The following TAF2 variants were observed in gnomAD, a reference collection of about 807,000 sequenced individuals.
The protein encoded by TAF2 is transcription initiation factor TFIID subunit 2.
In TAF2, 61 loss-of-function variants were observed where a neutral mutation model predicts 138.5. The ratio of observed to expected loss-of-function variants is 0.44; its 90% confidence interval spans 0.36 to 0.54. The LOEUF is 0.54. Among genes scored for constraint, TAF2 ranks in the 20% least tolerant of loss-of-function variants. The probability of loss-of-function intolerance (pLI) is 0.00; values close to 1 mark genes in which losing one functional copy is unlikely to be tolerated. For synonymous variants in TAF2, 475 were observed against 469.9 expected (o/e 1.01, Z -0.14); for missense variants, 1,090 against 1,427.9 (o/e 0.76, Z 3.81).
At chr8:119,778,192 T>C (rs1168383974) in intron 17 of TAF2, 63 bp from the exon 18 acceptor site, 11 of 981,246 alleles carry the variant, frequency 1.1e-5, no homozygotes, top group East Asian at 2.5e-5. Context: ...CTACAATTCA[T>C]TGAACTATAA....
Position 119,755,901 on chromosome 8 carries a change from T to A in TAF2, c.2878+105A>T, listed in dbSNP as rs1586331980. 11 of 897,764 alleles carry A rather than the reference T, an allele frequency of 1.2e-5. No individual in the cohort carries two copies. The South Asian group carries it at 1.4e-4, about 11-fold the overall frequency. 55.6% of individuals were successfully genotyped at this position (897,764 alleles called of 1,614,324 possible). ...AGTCTACTTAAAAGAAAAAAAAAAA[T>A]CTCAACTTTTACCTTTAGTTCTAAA... On this transcript the variant is annotated intron_variant, in intron 22 of 25. Transcript: ENST00000378164.
At chr8:119,797,388 T>C (rs531805141) in intron 7 of TAF2, among the ~76,000 whole-genome samples, 47 of 152,228 alleles carry the variant, frequency 3.1e-4, no homozygotes, top group Admixed American at 5.9e-4. Flanking sequence ...ATTTGTACAA[T>C]TTTTAAAGAA....
intron 18 of TAF2, among the ~76,000 whole-genome samples, chr8:119,773,395 C>T (rs954033051): frequency 2.0e-5 from 3 of 151,522 alleles, no homozygotes; most frequent in Non-Finnish European, 4.4e-5. Flanking sequence ...TTCTTCAAGG[C>T]TACAATTATT....
intron 15 of TAF2, 141 bp from the exon 16 acceptor site, chr8:119,783,774 A>ATT: frequency 9.7e-7 from 1 of 1,035,900 alleles, no homozygotes. Flanking sequence ...TACTGTATTC[A>ATT]TTTTTTTAAA....
Position 119,783,557 on chromosome 8 carries a change from C to T in TAF2, c.1936G>A (p.Asp646Asn). 6.2e-7 allele frequency: 1 copy of T among 1,614,190 alleles called. No homozygotes were observed. Among genetic ancestry groups the T allele is most frequent in the Non-Finnish European group, 8.5e-7 (1 of 1,180,032 alleles). The stretch of plus-strand genomic sequence containing the variant: ...CGGAGCTGATACTGCCACATAAAAT[C>T]AGCTTGCTCAAATTCTACCTTCCTC... Reference protein sequence around the residue: ...VLRKVEFEQADFMWQYQLRYE... With the variant: ...VLRKVEFEQANFMWQYQLRYE... The change falls in exon 16 of 26, where the codon GAT becomes AAT. Residue 646 changes from aspartate (D) to asparagine (N), a missense_variant. Physicochemically the swap from Asp to Asn is conservative, Grantham distance 23 (BLOSUM62 1). Coordinates refer to ENST00000378164, the MANE Select transcript of TAF2 (RefSeq NM_003184.4).
chr8:119,757,529 C>T (rs950997104), intron 21 of TAF2, among the ~76,000 whole-genome samples: 1 of 150,916 alleles, frequency 6.6e-6, no homozygotes, highest in Non-Finnish European at 1.5e-5. Context: ...AAGTTTCTGT[C>T]TGGCTGCTTT....
intron 19 of TAF2, among the ~76,000 whole-genome samples, chr8:119,761,025 T>C (rs1029209249): frequency 5.3e-5 from 8 of 152,220 alleles, no homozygotes; most frequent in African/African-American, 1.7e-4. Context: ...TTATGTCTAC[T>C]GTAGTGTACA....
Position 119,732,575 on chromosome 8 carries a change from G to A in TAF2, c.3338-389C>T, listed in dbSNP as rs137855480. Among the ~76,000 whole-genome samples the A allele has an allele frequency of 1.4e-3, 217 of 152,238 alleles. 2 individuals carry two copies. In the East Asian group the frequency reaches 0.038, roughly 27 times the overall value. On this transcript the variant is annotated intron_variant, in intron 25 of 25. Coordinates refer to ENST00000378164, the MANE Select transcript of TAF2 (RefSeq NM_003184.4). ...TCCCAGCACTTTGGGAGGCCAAGGC[G>A]GGTAGATCACTTGAGGTCAGGAGTT...
In TAF2 at chr8:119,832,814, A is replaced by G. The variant is rs968081746; in HGVS notation, c.-250T>C. 2.0e-5 allele frequency: 9 copies of G among 455,042 alleles called. No homozygotes were observed. Among genetic ancestry groups the G allele is most frequent in the African/African-American group, 1.4e-4 (7 of 50,500 alleles). The allele number at this position is 455,042 out of a possible 1,614,324, so 28.2% of individuals were successfully genotyped here. A position where few individuals can be genotyped will look rare whatever the true frequency, so the allele number is the denominator to read the frequency against. ...CTCTCCGCAAGGGCTCGAAGCTACC[A>G]TCCGCCGACATCTTGTCTGTAACCT... On this transcript the variant is annotated 5_prime_UTR_variant, in exon 1 of 26. The change abolishes an upstream ATG in the 5' untranslated region. Coordinates refer to ENST00000378164, the MANE Select transcript of TAF2 (RefSeq NM_003184.4).
chr8:119,796,082 T>C (rs1053289345), intron 8 of TAF2, among the ~76,000 whole-genome samples: 1 of 151,846 alleles, frequency 6.6e-6, no homozygotes, highest in Non-Finnish European at 1.5e-5. Context: ...CTTCATTCAT[T>C]TTTTTTTGCT....
intron 3 of TAF2, among the ~76,000 whole-genome samples, chr8:119,818,732 C>CCACACA (rs199991010): frequency 0.074 from 8,194 of 110,750 alleles, 312 homozygotes; most frequent in South Asian, 0.14. Context: ...AAAATGAAGT[C>CCACACA]CACACACACA....
In TAF2 at chr8:119,783,652, T is replaced by C; in HGVS notation, c.1860-19A>G. The C allele has an allele frequency of 1.2e-6, 2 of 1,604,596 alleles. No individual in the cohort carries two copies. The highest frequency in any genetic ancestry group is 1.7e-6 in the Non-Finnish European group (2 of 1,174,996). On this transcript the variant is annotated intron_variant, in intron 15 of 25. Coordinates refer to ENST00000378164, the MANE Select transcript of TAF2 (RefSeq NM_003184.4). Reference sequence around the variant, plus strand: ...ATCAGCACTGCAAGAAAATACAATTTTCTTTTTAATTTAATTTTTAAACTT... The same window carrying C: ...ATCAGCACTGCAAGAAAATACAATTCTCTTTTTAATTTAATTTTTAAACTT...
chr8:119,800,060 G>C (rs532205399), intron 6 of TAF2, among the ~76,000 whole-genome samples: 65 of 152,164 alleles, frequency 4.3e-4, no homozygotes, highest in Non-Finnish European at 8.4e-4. Flanking sequence ...TGTCAGATGA[G>C]TAGATTGCAA....
At chr8:119,811,642 T>A (rs1384443074) in intron 3 of TAF2, among the ~76,000 whole-genome samples, 1 of 151,284 alleles carries the variant, frequency 6.6e-6, no homozygotes, top group Non-Finnish European at 1.5e-5. Flanking sequence ...CCGTCTCTAC[T>A]AAAAATACAA....
At chr8:119,782,833 A>C (rs1206249803) in intron 16 of TAF2, among the ~76,000 whole-genome samples, 2 of 152,176 alleles carry the variant, frequency 1.3e-5, no homozygotes, top group Non-Finnish European at 2.9e-5. Flanking sequence ...ACAGTGGGAT[A>C]ATTAAGATTA....
intron 3 of TAF2, among the ~76,000 whole-genome samples, chr8:119,808,859 T>G (rs1327612365): frequency 5.3e-5 from 8 of 152,246 alleles, no homozygotes; most frequent in Non-Finnish European, 1.2e-4. Context: ...TAAGCCATAC[T>G]GTGAACACCT....
At chr8:119,753,232 T>C (rs1027831365) in intron 22 of TAF2, among the ~76,000 whole-genome samples, 3 of 152,188 alleles carry the variant, frequency 2.0e-5, no homozygotes, top group Admixed American at 6.5e-5. Context: ...CCAGTTTATT[T>C]TTCTTCTCAA....
chr8:119,832,459 AAGGG>A lies in TAF2; in HGVS notation c.83+19_83+22del. The A allele has an allele frequency of 2.5e-6, 4 of 1,609,734 alleles. No homozygotes were observed. The highest frequency in any genetic ancestry group is 3.4e-6 in the Non-Finnish European group (4 of 1,176,636). On this transcript the variant is annotated intron_variant, in intron 1 of 25. Coordinates refer to ENST00000378164, the MANE Select transcript of TAF2 (RefSeq NM_003184.4). ...AATGGCAACAAAACCAAAAGGAAGG[AAGGG>A]AAATGAAAAAATACTTATAATTTAT...
intron 22 of TAF2, among the ~76,000 whole-genome samples, chr8:119,752,460 G>A (rs1343720279): frequency 6.6e-6 from 1 of 151,956 alleles, no homozygotes; most frequent in African/African-American, 2.4e-5. Flanking sequence ...CTTCCCTCTG[G>A]GATATGGTCA....
Sources: gnomAD v4.1 joint callset for allele counts (sites outside exome capture counted in the v4.1 genomes callset) on GRCh38, gnomAD v4.1.1 for gene constraint, MANE v1.5 for transcripts, NCBI Gene and HGNC (gene_info 2026-07-23, HGNC 2026-07-21) for gene names.